LSM3: variants seen among roughly 807,000 people sequenced by gnomAD.
LSM3 encodes the protein U6 snRNA-associated Sm-like protein LSm3.
LSM3 carries 14 observed loss-of-function variants against 15.4 expected under a neutral mutation model. The ratio of observed to expected loss-of-function variants is 0.91; its 90% CI spans 0.60 to 1.42. LSM3 has a LOEUF of 1.42. Ranked by LOEUF, LSM3 falls within the 40% of genes most tolerant of loss-of-function variation. The pLI is 0.00. For missense variants in LSM3, 88 were observed against 127.9 expected, an observed-to-expected ratio of 0.69 and a Z score of 1.50; for synonymous variants, 46 against 45.1, an observed-to-expected ratio of 1.02 and a Z score of -0.08.
At chr3:14,188,878 A>G (rs1265771061) in intron 3 of LSM3, among the ~76,000 whole-genome samples, 1 of 152,116 alleles carries the variant, frequency 6.6e-6, no homozygotes, top group Non-Finnish European at 1.5e-5. Context: ...ACAAAGGTAT[A>G]CACGTGCCCT....
chr3:14,180,850 TTTTTTTTAAA>T (rs1559390222), intron 1 of LSM3, among the ~76,000 whole-genome samples: 7 of 82,326 alleles, frequency 8.5e-5, no homozygotes, highest in African/African-American at 3.8e-4. Flanking sequence ...TTTTTTTTTT[TTTTTTTTAAA>T]AAAAAAAAAG....
chr3:14,193,472 G>A (rs944706045), intron 3 of LSM3, among the ~76,000 whole-genome samples: 3 of 152,094 alleles, frequency 2.0e-5, no homozygotes, highest in Non-Finnish European at 4.4e-5. Context: ...GGCTTTGTTT[G>A]TTCCTTTTAT....
intron 3 of LSM3, among the ~76,000 whole-genome samples, chr3:14,189,251 C>T (rs910109615): frequency 6.6e-5 from 10 of 152,172 alleles, no homozygotes; most frequent in Admixed American, 2.6e-4. Flanking sequence ...TGAATAGTGC[C>T]GCAATAAACA....
intron 1 of LSM3, among the ~76,000 whole-genome samples, chr3:14,180,328 G>A (rs200576706): frequency 5.3e-5 from 8 of 150,476 alleles, no homozygotes; most frequent in East Asian, 1.9e-4. Context: ...TCACTCTATC[G>A]CCCAGGCTGG....
Position 14,198,133 on chromosome 3 carries a change from T to A in LSM3, c.*17T>A. On this transcript the variant is annotated 3_prime_UTR_variant, in exon 4 of 4. Coordinates refer to ENST00000306024, the MANE Select transcript of LSM3 (RefSeq NM_014463.3). ...GTTGGCTGAAACAAAGAATTTGTCC[T>A]GTATGGAAAACGGGAGACTTTGTAC... 6.2e-7 allele frequency: 1 copy of A among 1,603,752 alleles called. No homozygotes were observed. Among genetic ancestry groups the A allele is most frequent in the Non-Finnish European group, 8.5e-7 (1 of 1,171,528 alleles).
At chr3:14,182,817 TAC>T (rs1168638331) in intron 2 of LSM3, among the ~76,000 whole-genome samples, 1 of 152,200 alleles carries the variant, frequency 6.6e-6, no homozygotes, top group Non-Finnish European at 1.5e-5. Flanking sequence ...CTCAGAAAGG[TAC>T]AGTCACTTGA....
rs952519719 is a variant in LSM3 at position 14,198,316 on chromosome 3, T to G, written c.*200T>G. 9 of 543,482 alleles carry G rather than the reference T, an allele frequency of 1.7e-5. No individual in the cohort carries two copies. Among genetic ancestry groups the G allele is most frequent in the Non-Finnish European group, 2.9e-5 (9 of 307,322 alleles). The allele number at this position is 543,482 out of a possible 1,614,324, so 33.7% of individuals were successfully genotyped here. On this transcript the variant is annotated 3_prime_UTR_variant, in exon 4 of 4. Transcript: ENST00000306024. ...AATGGTATTTTCATTTTTCTCAAGC[T>G]CTCCAATAAATATGACCACCAAGAT...
chr3:14,191,673 TTTC>T (rs1341314701), intron 3 of LSM3, among the ~76,000 whole-genome samples: 1 of 152,190 alleles, frequency 6.6e-6, no homozygotes, highest in Non-Finnish European at 1.5e-5. Flanking sequence ...TCTTCTCTCC[TTTC>T]TTCTTTATTA....
intron 3 of LSM3, among the ~76,000 whole-genome samples, chr3:14,192,433 T>A (rs554460162): frequency 2.0e-4 from 31 of 152,352 alleles, no homozygotes; most frequent in African/African-American, 6.5e-4. Flanking sequence ...TTTATAGGTC[T>A]CTAAGAACTT....
intron 3 of LSM3, among the ~76,000 whole-genome samples, chr3:14,197,121 T>G (rs1372221277): frequency 6.6e-6 from 1 of 152,234 alleles, no homozygotes; most frequent in African/African-American, 2.4e-5. Context: ...TCAAAGCCTT[T>G]TTTCATACTT....
intron 3 of LSM3, among the ~76,000 whole-genome samples, chr3:14,186,827 T>TA (rs965299380): frequency 1.3e-5 from 2 of 152,176 alleles, no homozygotes; most frequent in Non-Finnish European, 2.9e-5. Flanking sequence ...GGTGATGTGA[T>TA]AAAAAAAGAA....
chr3:14,185,105 CT>C (rs1230869018), intron 3 of LSM3, among the ~76,000 whole-genome samples: 1 of 152,004 alleles, frequency 6.6e-6, no homozygotes, highest in Non-Finnish European at 1.5e-5. Context: ...AATCCCACCA[CT>C]TTGGGAGGCC....
chr3:14,185,474 G>A (rs1697080332), intron 3 of LSM3, among the ~76,000 whole-genome samples: 1 of 152,080 alleles, frequency 6.6e-6, no homozygotes, highest in Non-Finnish European at 1.5e-5. Flanking sequence ...TTACATTTTT[G>A]CAAATCTCTT....
intron 3 of LSM3, among the ~76,000 whole-genome samples, chr3:14,193,091 G>A (rs1401991250): frequency 2.0e-5 from 3 of 152,216 alleles, no homozygotes; most frequent in African/African-American, 4.8e-5. Context: ...TTTCAAGAAC[G>A]TTGAATATTG....
chr3:14,183,429 CTACT>C (rs1697058479), intron 2 of LSM3, among the ~76,000 whole-genome samples: 1 of 152,198 alleles, frequency 6.6e-6, no homozygotes, highest in Non-Finnish European at 1.5e-5. Context: ...GGGTGTTGCT[CTACT>C]TACTTTCTCT....
At chr3:14,189,015 A>G (rs1697115696) in intron 3 of LSM3, among the ~76,000 whole-genome samples, 2 of 151,956 alleles carry the variant, frequency 1.3e-5, no homozygotes, top group South Asian at 4.2e-4. Context: ...ATGTGTTCTC[A>G]TTGTTCAACT....
chr3:14,186,458 G>T (rs567516625), intron 3 of LSM3, among the ~76,000 whole-genome samples: 1 of 152,324 alleles, frequency 6.6e-6, no homozygotes, highest in African/African-American at 2.4e-5. Flanking sequence ...TGACAGGCAC[G>T]TTGTCACTGT....
intron 3 of LSM3, among the ~76,000 whole-genome samples, chr3:14,195,221 A>T (rs963001109): frequency 1.3e-5 from 2 of 152,172 alleles, no homozygotes; most frequent in Admixed American, 6.5e-5. Flanking sequence ...AGGAGTGTAC[A>T]TGAGAAGTTT....
intron 3 of LSM3, among the ~76,000 whole-genome samples, chr3:14,195,083 A>AT (rs1697176347): frequency 6.6e-6 from 1 of 152,144 alleles, no homozygotes; most frequent in Admixed American, 6.5e-5. Context: ...CAATGACGTA[A>AT]TTATTCTACG....
Sources: gnomAD v4.1 joint callset for allele counts (sites outside exome capture counted in the v4.1 genomes callset) on GRCh38, gnomAD v4.1.1 for gene constraint, MANE v1.5 for transcripts, NCBI Gene and HGNC (gene_info 2026-07-23, HGNC 2026-07-21) for gene names.